PLGRKT: variants seen among roughly 807,000 people sequenced by gnomAD.
PLGRKT encodes plasminogen receptor with a C-terminal lysine, also known as plasminogen receptor (KT).
A neutral mutation model predicts 18.5 loss-of-function variants in PLGRKT; 22 were observed. The observed-to-expected ratio is 1.19, with a 90% CI of 0.85 to 1.70. PLGRKT has a LOEUF of 1.70. Among genes scored for constraint, PLGRKT ranks in the 40% most tolerant of loss-of-function variants. The pLI is 0.00. For synonymous variants in PLGRKT, 72 were observed against 52.8 expected (o/e 1.36, Z -1.58); for missense variants, 235 against 174.4 (o/e 1.35, Z -1.96).
chr9:5,405,155 T>C (rs1818231513), intron 3 of PLGRKT, among the ~76,000 whole-genome samples: 1 of 151,948 alleles, frequency 6.6e-6, no homozygotes, highest in South Asian at 2.1e-4. Context: ...ATAGGAAGAA[T>C]CAATATCGTA....
chr9:5,360,391 C>A (rs569820966), intron 5 of PLGRKT, among the ~76,000 whole-genome samples: 279 of 152,240 alleles, frequency 1.8e-3, no homozygotes, highest in Non-Finnish European at 2.5e-3. Flanking sequence ...AAGGATGGCT[C>A]TGTCATGGTA....
chr9:5,379,634 G>A (rs1490720840), intron 3 of PLGRKT, among the ~76,000 whole-genome samples: 1 of 151,972 alleles, frequency 6.6e-6, no homozygotes, highest in East Asian at 1.9e-4. Context: ...TAGAAAAAGG[G>A]CATTTCACTG....
intron 2 of PLGRKT, among the ~76,000 whole-genome samples, chr9:5,436,228 A>G (rs546776069): frequency 1.3e-5 from 2 of 152,338 alleles, no homozygotes; most frequent in African/African-American, 4.8e-5. Flanking sequence ...TAGGAGCGAG[A>G]TATTATCCAT....
chr9:5,362,201 G>T (rs144150893), intron 3 of PLGRKT, among the ~76,000 whole-genome samples: 2 of 152,214 alleles, frequency 1.3e-5, no homozygotes, highest in Non-Finnish European at 2.9e-5. Flanking sequence ...TATTGGATGT[G>T]TGGAAAGATC....
At chr9:5,380,037 C>G (rs1345745307) in intron 3 of PLGRKT, among the ~76,000 whole-genome samples, 1 of 152,160 alleles carries the variant, frequency 6.6e-6, no homozygotes, top group Admixed American at 6.5e-5. Context: ...TAAATAAATT[C>G]TGATATATTC....
At chr9:5,421,584 G>A (rs1270271364) in intron 3 of PLGRKT, among the ~76,000 whole-genome samples, 1 of 152,226 alleles carries the variant, frequency 6.6e-6, no homozygotes, top group Admixed American at 6.5e-5. Context: ...TTTGGTGAAT[G>A]AATAAATGGC....
chr9:5,419,226 T>C (rs1254580158), intron 3 of PLGRKT, among the ~76,000 whole-genome samples: 1 of 152,224 alleles, frequency 6.6e-6, no homozygotes, highest in Non-Finnish European at 1.5e-5. Flanking sequence ...TCAAAGACCA[T>C]GGCTTCTGGA....
chr9:5,400,453 A>G (rs1345899446), intron 3 of PLGRKT, among the ~76,000 whole-genome samples: 1 of 151,968 alleles, frequency 6.6e-6, no homozygotes, highest in Non-Finnish European at 1.5e-5. Flanking sequence ...GTAATGAAAT[A>G]AATCCCTAAC....
chr9:5,432,399 G>A (rs1358141265), intron 2 of PLGRKT, among the ~76,000 whole-genome samples: 1 of 152,200 alleles, frequency 6.6e-6, no homozygotes, highest in Non-Finnish European at 1.5e-5. Context: ...CTTTGCATCT[G>A]AGGAGGGATG....
intron 3 of PLGRKT, among the ~76,000 whole-genome samples, chr9:5,362,458 G>A (rs1817288628): frequency 6.6e-6 from 1 of 152,202 alleles, no homozygotes. Context: ...ACAGAAGGCA[G>A]ATGGCTCAGA....
chr9:5,420,655 C>G (rs1175854683), intron 3 of PLGRKT, among the ~76,000 whole-genome samples: 1 of 152,192 alleles, frequency 6.6e-6, no homozygotes, highest in Non-Finnish European at 1.5e-5. Flanking sequence ...TACTTCTAGT[C>G]TCTGGGCCAA....
At chr9:5,429,357 A>G (rs1272570617) in intron 3 of PLGRKT, among the ~76,000 whole-genome samples, 1 of 152,228 alleles carries the variant, frequency 6.6e-6, no homozygotes, top group East Asian at 1.9e-4. Context: ...TGGCACAGGC[A>G]CCAAATACAT....
intron 3 of PLGRKT, among the ~76,000 whole-genome samples, chr9:5,414,026 T>C (rs1206666452): frequency 1.3e-5 from 2 of 152,050 alleles, no homozygotes; most frequent in Non-Finnish European, 2.9e-5. Flanking sequence ...ACCAAATCAA[T>C]GTAGGAAGGA....
chr9:5,363,109 T>A (rs1372684945), intron 3 of PLGRKT, among the ~76,000 whole-genome samples: 1 of 151,640 alleles, frequency 6.6e-6, no homozygotes, highest in East Asian at 2.0e-4. Context: ...GTCCAAAACC[T>A]AGAGCCAGCG....
At chr9:5,430,062 C>T (rs1818790337) in intron 3 of PLGRKT, among the ~76,000 whole-genome samples, 1 of 152,216 alleles carries the variant, frequency 6.6e-6, no homozygotes, top group Non-Finnish European at 1.5e-5. Context: ...GAGTGCATAG[C>T]ACTCATTTCG....
chr9:5,418,531 A>AC lies in PLGRKT; in HGVS notation c.81+13365dup, dbSNP rs1423889271. ...CCGCCTGTCCTGCTCCTCCTCCGCC[A>AC]CCCCCTGGGGAGCCCTGCCTTGCAG... On this transcript the variant is annotated intron_variant, in intron 3 of 5. Coordinates refer to ENST00000223864, the MANE Select transcript of PLGRKT (RefSeq NM_018465.4). The surrounding 1 kb of genome is among the most constrained non-coding windows in gnomAD (Gnocchi z 4.2). 2.1e-6 allele frequency: 2 copies of AC among 950,070 alleles called. No individual in the cohort carries two copies. The highest frequency in any genetic ancestry group is 3.4e-6 in the Non-Finnish European group (2 of 584,618). The allele number at this position is 950,070 out of a possible 1,614,324, so 58.9% of individuals were successfully genotyped here.
chr9:5,396,697 T>C (rs1397933386), intron 3 of PLGRKT, among the ~76,000 whole-genome samples: 1 of 151,940 alleles, frequency 6.6e-6, no homozygotes, highest in East Asian at 1.9e-4. Context: ...AAATAATAAA[T>C]AAAGACATTT....
intron 3 of PLGRKT, among the ~76,000 whole-genome samples, chr9:5,427,038 TCA>T (rs1311425383): frequency 2.0e-5 from 3 of 152,252 alleles, no homozygotes; most frequent in African/African-American, 7.2e-5. Context: ...GTTTTATTTT[TCA>T]CAGTTTGAGT....
chr9:5,377,728 G>T (rs551742979), intron 3 of PLGRKT, among the ~76,000 whole-genome samples: 4 of 152,086 alleles, frequency 2.6e-5, no homozygotes, highest in African/African-American at 4.8e-5. Flanking sequence ...ACCTACCCAC[G>T]TAACAACAAA....
Sources: gnomAD v4.1 joint callset for allele counts (sites outside exome capture counted in the v4.1 genomes callset) on GRCh38, gnomAD v4.1.1 for gene constraint, Gnocchi (gnomAD v3.1) non-coding constraint, MANE v1.5 for transcripts, NCBI Gene and HGNC (gene_info 2026-07-23, HGNC 2026-07-21) for gene names.